Variants in DLGAP2 observed in about 807,000 individuals in gnomAD.
The protein encoded by DLGAP2 is disks large-associated protein 2.
DLGAP2 carries 26 observed loss-of-function variants against 100.3 expected under a neutral mutation model. The ratio of observed to expected loss-of-function variants is 0.26; its 90% confidence interval spans 0.19 to 0.36. DLGAP2 has a LOEUF of 0.36. Ranked by LOEUF, DLGAP2 falls within the 10% of genes least tolerant of loss-of-function variation. DLGAP2 has a pLI of 1.00. For synonymous variants in DLGAP2, 886 were observed against 630.1 expected, an observed-to-expected ratio of 1.41 and a Z score of -6.08; for missense variants, 1,858 against 1,453.2, an observed-to-expected ratio of 1.28 and a Z score of -4.53.
chr8:1,342,493 C>T (rs1801439306), intron 3 of DLGAP2, among the ~76,000 whole-genome samples: 1 of 143,810 alleles, frequency 7.0e-6, no homozygotes, highest in Admixed American at 7.2e-5. Flanking sequence ...CTGTGAAGGG[C>T]CAAGTAGTTA....
At chr8:1,511,319 A>G (rs1800152802) in intron 4 of DLGAP2, among the ~76,000 whole-genome samples, 1 of 150,954 alleles carries the variant, frequency 6.6e-6, no homozygotes, top group Non-Finnish European at 1.5e-5. Flanking sequence ...TGTCTAGTGT[A>G]GGACAATCAG....
chr8:1,176,911 C>G (rs903116325), intron 2 of DLGAP2, among the ~76,000 whole-genome samples: 5 of 152,114 alleles, frequency 3.3e-5, no homozygotes, highest in African/African-American at 9.7e-5. Context: ...CAGGACCTGC[C>G]TTTCATGCCA....
At chr8:1,332,684 G>T (rs1055343881) in intron 3 of DLGAP2, among the ~76,000 whole-genome samples, 1 of 152,146 alleles carries the variant, frequency 6.6e-6, no homozygotes. Context: ...CTGCAGCCGC[G>T]AGGAGCACTC....
intron 6 of DLGAP2, among the ~76,000 whole-genome samples, chr8:1,591,372 G>C (rs1302379946): frequency 6.6e-6 from 1 of 152,180 alleles, no homozygotes; most frequent in Non-Finnish European, 1.5e-5. Flanking sequence ...TCTTGACTGA[G>C]CAAAAAGAAA....
intron 3 of DLGAP2, among the ~76,000 whole-genome samples, chr8:1,448,178 T>C (rs1798034189): frequency 6.6e-6 from 1 of 152,220 alleles, no homozygotes; most frequent in Non-Finnish European, 1.5e-5. Context: ...ATTGTGACAT[T>C]AGGGTGTTGA....
At chr8:1,318,355 C>G (rs1057229131) in intron 3 of DLGAP2, among the ~76,000 whole-genome samples, 7 of 151,882 alleles carry the variant, frequency 4.6e-5, no homozygotes, top group African/African-American at 1.7e-4. Flanking sequence ...GATTTATTTT[C>G]AAAACCATCT....
chr8:1,121,971 C>T (rs1461269070), intron 2 of DLGAP2, among the ~76,000 whole-genome samples: 2 of 152,186 alleles, frequency 1.3e-5, no homozygotes, highest in Non-Finnish European at 2.9e-5. Context: ...GTGCTTCTTT[C>T]TCATGGTGTT....
chr8:1,468,332 C>T (rs1392297121), intron 3 of DLGAP2, among the ~76,000 whole-genome samples: 3 of 151,658 alleles, frequency 2.0e-5, no homozygotes, highest in Admixed American at 6.5e-5. Context: ...CCTGTTCACA[C>T]GGCGTGGATC....
At position 1,697,428 on chromosome 8, in the gene DLGAP2, CTATG is replaced by C. The variant is rs544607288; in HGVS notation, c.2949+135_2949+138del. On this transcript the variant is annotated intron_variant, in intron 14 of 14. Transcript: ENST00000637795. ...TGGCAACACACGAGCAAATTTCCCTCTATGTATGTGTGCACATGTGTATACGCAC... is the reference window on the plus strand; with the variant it reads ...TGGCAACACACGAGCAAATTTCCCTCTATGTGTGCACATGTGTATACGCAC... 5,107 of 1,335,692 alleles carry C rather than the reference CTATG, an allele frequency of 3.8e-3. 23 individuals carry two copies. The highest frequency in any genetic ancestry group is 8.9e-3 in the South Asian group (623 of 69,804). 82.7% of individuals were successfully genotyped at this position (1,335,692 alleles called of 1,614,324 possible).
intron 2 of DLGAP2, among the ~76,000 whole-genome samples, chr8:1,153,178 C>T (rs564741446): frequency 4.6e-5 from 7 of 152,096 alleles, no homozygotes; most frequent in Non-Finnish European, 1.0e-4. Flanking sequence ...TTTCCAGGCT[C>T]CGAGCGGTGT....
At chr8:1,022,244 C>T (rs966202867) in intron 2 of DLGAP2, among the ~76,000 whole-genome samples, 1 of 151,274 alleles carries the variant, frequency 6.6e-6, no homozygotes, top group Admixed American at 6.6e-5. Flanking sequence ...GGTAGACACT[C>T]CAGCCGCCAC....
chr8:1,257,619 C>A (rs553535336), intron 2 of DLGAP2, among the ~76,000 whole-genome samples: 1 of 152,210 alleles, frequency 6.6e-6, no homozygotes, highest in African/African-American at 2.4e-5. Flanking sequence ...GGCTGTCACG[C>A]TGGATGGCAG....
chr8:1,545,845 T>G (rs1004870872), intron 4 of DLGAP2, among the ~76,000 whole-genome samples: 7 of 152,238 alleles, frequency 4.6e-5, no homozygotes, highest in African/African-American at 9.6e-5. Flanking sequence ...GCCACATTCA[T>G]AACATAGCTT....
chr8:841,009 C>T (rs973154936), intron 1 of DLGAP2, among the ~76,000 whole-genome samples: 4 of 152,178 alleles, frequency 2.6e-5, no homozygotes, highest in Non-Finnish European at 5.9e-5. Context: ...CTGATGAGAG[C>T]CTAGGCCCAT....
chr8:1,173,972 G>T (rs112225019), intron 2 of DLGAP2, among the ~76,000 whole-genome samples: 16 of 152,238 alleles, frequency 1.1e-4, no homozygotes, highest in African/African-American at 3.4e-4. Context: ...CTTCTGTGTC[G>T]CTCACGCTGG....
chr8:1,445,562 G>T (rs1299847842), intron 3 of DLGAP2, among the ~76,000 whole-genome samples: 2 of 152,124 alleles, frequency 1.3e-5, no homozygotes, highest in African/African-American at 4.8e-5. Flanking sequence ...GCGTGCACGT[G>T]TCTTTATAGC....
chr8:1,515,405 C>T (rs1218032325), intron 4 of DLGAP2, among the ~76,000 whole-genome samples: 1 of 151,640 alleles, frequency 6.6e-6, no homozygotes, highest in Non-Finnish European at 1.5e-5. Context: ...CAGGCATGCA[C>T]ACAGATGTGC....
At chr8:1,366,188 A>G (rs1007843915) in intron 3 of DLGAP2, among the ~76,000 whole-genome samples, 25 of 152,224 alleles carry the variant, frequency 1.6e-4, no homozygotes, top group African/African-American at 5.8e-4. Flanking sequence ...CATTTAAACA[A>G]TGAATTCTAA....
intron 2 of DLGAP2, among the ~76,000 whole-genome samples, chr8:1,227,627 C>T (rs534121024): frequency 7.9e-5 from 12 of 151,924 alleles, no homozygotes; most frequent in Admixed American, 3.9e-4. Context: ...TGTGACAATG[C>T]GGATGGACCT....
Sources: allele counts gnomAD v4.1 joint callset (sites outside exome capture counted in the v4.1 genomes callset), GRCh38; gene constraint gnomAD v4.1.1; transcripts MANE v1.5; gene names NCBI Gene and HGNC (gene_info 2026-07-23, HGNC 2026-07-21).